The following LRP1B variants were observed in gnomAD, a reference collection of about 807,000 sequenced individuals.
The protein encoded by LRP1B is LDL receptor related protein 1B.
Under a neutral mutation model 556.6 loss-of-function variants are expected in LRP1B, and 217 were observed. That is an observed-to-expected ratio of 0.39 (90% CI 0.35 to 0.44). LRP1B has a LOEUF of 0.44. Among genes scored for constraint, LRP1B ranks in the 20% least tolerant of loss-of-function variants. The probability of loss-of-function intolerance (pLI) is 1.00; values close to 1 mark genes in which losing one functional copy is unlikely to be tolerated. For synonymous variants in LRP1B, 2,047 were observed against 1,865.8 expected (o/e 1.10, Z -2.50); for missense variants, 5,053 against 5,620.8 (o/e 0.90, Z 3.23).
intron 18 of LRP1B, among the ~76,000 whole-genome samples, chr2:140,958,919 C>T (rs186699727): frequency 1.3e-4 from 19 of 151,520 alleles, no homozygotes; most frequent in Admixed American, 1.2e-3. Context: ...TAGGTAGAGA[C>T]AGAGGAACCA....
chr2:140,972,117 G>C (rs544328148), intron 18 of LRP1B, among the ~76,000 whole-genome samples: 3 of 152,182 alleles, frequency 2.0e-5, no homozygotes, highest in Admixed American at 1.3e-4. Context: ...GGCTTTGTTA[G>C]TCAGGTATTT....
At chr2:140,426,281 G>A (rs188277306) in intron 66 of LRP1B, among the ~76,000 whole-genome samples, 1 of 152,060 alleles carries the variant, frequency 6.6e-6, no homozygotes, top group East Asian at 1.9e-4. Context: ...ATTTGTACTT[G>A]GACATTACAA....
At chr2:140,855,493 G>GGAAAAAAAAAAAAAAAAAAAAAAAA (rs570169727) in intron 27 of LRP1B, among the ~76,000 whole-genome samples, 4 of 99,412 alleles carry the variant, frequency 4.0e-5, no homozygotes, top group East Asian at 2.6e-4. Context: ...TCTCTACTGG[G>GGAAAAAAAAAAAAAAAAAAAAAAAA]AAAAAAAAAA....
intron 2 of LRP1B, among the ~76,000 whole-genome samples, chr2:141,808,460 C>T (rs777084635): frequency 7.2e-5 from 11 of 152,186 alleles, no homozygotes; most frequent in South Asian, 2.1e-4. Flanking sequence ...TGTTGAAATA[C>T]GGTCTCACTA....
rs1201073437 is a variant in LRP1B at position 140,315,095 on chromosome 2, A to G, written c.12645T>C (p.Asp4215=). The change falls in exon 83 of 91, where the codon GAT becomes GAC. Residue 4215 remains aspartate (D), a synonymous_variant. Transcript: ENST00000389484. The stretch of plus-strand genomic sequence containing the variant: ...CATTTTCACAAGTTAACTTACATGA[A>G]TCATCTGTTTATGAGAAGAAATGTA... ...GTCNDDSLLD[D]SCKLTCENGG... The G allele has an allele frequency of 6.2e-7, 1 of 1,601,704 alleles. No individual in the cohort carries two copies. Among genetic ancestry groups the G allele is most frequent in the Non-Finnish European group, 8.5e-7 (1 of 1,173,286 alleles).
intron 33 of LRP1B, among the ~76,000 whole-genome samples, chr2:140,774,791 T>C (rs1689434086): frequency 6.6e-6 from 1 of 152,192 alleles, no homozygotes; most frequent in African/African-American, 2.4e-5. Context: ...ATTATTTTGA[T>C]ACAGAAAAAG....
intron 51 of LRP1B, among the ~76,000 whole-genome samples, chr2:140,514,326 T>C (rs934461951): frequency 6.6e-6 from 1 of 151,932 alleles, no homozygotes; most frequent in African/African-American, 2.4e-5. Context: ...ATAGGCAGCA[T>C]AATGAAAAAT....
chr2:140,381,862 A>AAAAAG (rs1491502516), intron 67 of LRP1B, among the ~76,000 whole-genome samples: 1 of 78,898 alleles, frequency 1.3e-5, no homozygotes. Context: ...GCTCCCTTTC[A>AAAAAG]AAAAAAAAAA....
chr2:141,683,822 G>A (rs541938391), intron 2 of LRP1B, among the ~76,000 whole-genome samples: 29 of 152,114 alleles, frequency 1.9e-4, no homozygotes, highest in African/African-American at 6.0e-4. Flanking sequence ...CTTTGCTAGC[G>A]GCTTAAAAGG....
At chr2:141,324,505 TA>T (rs1687366612) in intron 3 of LRP1B, among the ~76,000 whole-genome samples, 4 of 152,112 alleles carry the variant, frequency 2.6e-5, no homozygotes, top group Admixed American at 6.6e-5. Flanking sequence ...AAATATCAGT[TA>T]TATCAAGGAT....
At chr2:141,031,423 G>A (rs1698368007) in intron 11 of LRP1B, among the ~76,000 whole-genome samples, 1 of 151,720 alleles carries the variant, frequency 6.6e-6, no homozygotes, top group Non-Finnish European at 1.5e-5. Flanking sequence ...AACTTTTTAA[G>A]TCAATATTTT....
intron 83 of LRP1B, among the ~76,000 whole-genome samples, chr2:140,303,232 C>CT (rs1270027302): frequency 1.4e-5 from 2 of 140,464 alleles, no homozygotes; most frequent in Non-Finnish European, 1.6e-5. Context: ...AAAATAAACT[C>CT]TTTTTTATTT....
At chr2:141,802,755 A>G (rs1301829511) in intron 2 of LRP1B, among the ~76,000 whole-genome samples, 1 of 152,122 alleles carries the variant, frequency 6.6e-6, no homozygotes, top group Non-Finnish European at 1.5e-5. Flanking sequence ...TACACTGACT[A>G]TAAAGAATAA....
At chr2:141,984,429 A>G (rs1223132721) in intron 1 of LRP1B, among the ~76,000 whole-genome samples, 1 of 152,168 alleles carries the variant, frequency 6.6e-6, no homozygotes, top group Admixed American at 6.6e-5. Context: ...CCAGCTCAAG[A>G]TAGAAAGGTG....
intron 66 of LRP1B, among the ~76,000 whole-genome samples, chr2:140,425,063 T>A (rs1036395428): frequency 1.3e-5 from 2 of 152,046 alleles, no homozygotes; most frequent in Non-Finnish European, 2.9e-5. Context: ...GTTTTTTTTT[T>A]ATCACTGACT....
intron 59 of LRP1B, among the ~76,000 whole-genome samples, chr2:140,480,643 G>A (rs954655931): frequency 3.0e-4 from 45 of 151,946 alleles, no homozygotes; most frequent in Non-Finnish European, 5.1e-4. Flanking sequence ...GTTTCACCAT[G>A]TTGACCAGGC....
At chr2:141,918,788 A>G (rs1221161067) in intron 1 of LRP1B, among the ~76,000 whole-genome samples, 2 of 152,130 alleles carry the variant, frequency 1.3e-5, no homozygotes, top group African/African-American at 2.4e-5. Flanking sequence ...TCTTCTCTTC[A>G]GATTTCCCCA....
chr2:141,586,755 A>G (rs542165394), intron 2 of LRP1B, among the ~76,000 whole-genome samples: 5 of 152,200 alleles, frequency 3.3e-5, no homozygotes, highest in Non-Finnish European at 5.9e-5. Context: ...ATCCTGGCTA[A>G]GACGGTGAAA....
At chr2:140,269,894 C>T (rs924062782) in intron 86 of LRP1B, among the ~76,000 whole-genome samples, 5 of 151,854 alleles carry the variant, frequency 3.3e-5, no homozygotes, top group Admixed American at 3.3e-4. Flanking sequence ...AAAAAATGGC[C>T]ATAAGTACCA....
Sources: allele counts gnomAD v4.1 joint callset (sites outside exome capture counted in the v4.1 genomes callset), GRCh38; gene constraint gnomAD v4.1.1; transcripts MANE v1.5; gene names NCBI Gene and HGNC (gene_info 2026-07-23, HGNC 2026-07-21).